The following DGKB variants were observed in gnomAD, a reference collection of about 807,000 sequenced individuals.
DGKB encodes diacylglycerol kinase beta.
A neutral mutation model predicts 114.3 loss-of-function variants in DGKB; 67 were observed. That is an observed-to-expected ratio of 0.59 (90% CI 0.48 to 0.72). The LOEUF is 0.72. Among genes scored for constraint, DGKB ranks in the 30% least tolerant of loss-of-function variants. The pLI is 0.00. For missense variants in DGKB, 907 were observed against 975.2 expected, an observed-to-expected ratio of 0.93 and a Z score of 0.93; for synonymous variants, 398 against 323.1, an observed-to-expected ratio of 1.23 and a Z score of -2.49.
At chr7:14,773,567 G>A (rs1023893830) in intron 2 of DGKB, among the ~76,000 whole-genome samples, 2 of 152,048 alleles carry the variant, frequency 1.3e-5, no homozygotes, top group African/African-American at 4.8e-5. Flanking sequence ...CCAAGCAGAT[G>A]GGACAGTCCA....
chr7:14,154,139 G>A (rs1562484156), intron 25 of DGKB, among the ~76,000 whole-genome samples: 1 of 148,932 alleles, frequency 6.7e-6, no homozygotes, highest in African/African-American at 2.5e-5. Flanking sequence ...AACAAAAGGA[G>A]TGTGGATAAT....
chr7:14,799,206 C>T (rs1014374194), intron 2 of DGKB, among the ~76,000 whole-genome samples: 11 of 152,162 alleles, frequency 7.2e-5, no homozygotes, highest in Admixed American at 4.6e-4. Flanking sequence ...GTTAATCTGA[C>T]AAAGGCCTTT....
chr7:14,154,931 C>G (rs561166534), intron 25 of DGKB, among the ~76,000 whole-genome samples: 1 of 150,776 alleles, frequency 6.6e-6, no homozygotes, highest in South Asian at 2.1e-4. Flanking sequence ...GCAGGTGATT[C>G]TCCTGCACTC....
rs2107583 is a variant in DGKB at position 14,924,005 on chromosome 7, G to A, written c.-188+50691C>T. 2.6e-3 allele frequency among the ~76,000 whole-genome samples: 279 copies of A among 107,748 alleles called. 1 individual carries two copies. The highest frequency in any genetic ancestry group is 0.021 in the East Asian group (30 of 1,438). The allele number at this position is 107,748 out of a possible 152,430, so 70.7% of individuals were successfully genotyped here. A position where few individuals can be genotyped will look rare whatever the true frequency, so the allele number is the denominator to read the frequency against. On this transcript the variant is annotated intron_variant, in intron 1 of 4. Coordinates refer to the DGKB transcript ENST00000437998. ...TCTCAAAAAAAAAAAAAAAAAAAAA[G>A]CTTTGTCCTATTCTCACAATAAAGT...
rs1794789154 is a variant in DGKB, at chr7:14,549,412, T to TA, written c.1770+24799_1770+24800insT. ...ATTACCTAGGAATAAATATTTTTTT[T>TA]TAAAAAATTGATATATATTTTCTGT... On this transcript the variant is annotated intron_variant, in intron 20 of 25. Transcript: ENST00000402815. Among the ~76,000 whole-genome samples, 4 of 152,070 alleles carry TA rather than the reference T, an allele frequency of 2.6e-5. No homozygotes were observed. In the South Asian group the frequency reaches 6.2e-4, roughly 24 times the overall value.
chr7:14,778,581 T>G (rs763884506), intron 2 of DGKB, among the ~76,000 whole-genome samples: 2 of 152,160 alleles, frequency 1.3e-5, no homozygotes, highest in South Asian at 4.1e-4. Flanking sequence ...CTTGATTTTT[T>G]AGAAGGTAAA....
At chr7:14,892,510 T>C (rs1391757962) in intron 1 of DGKB, among the ~76,000 whole-genome samples, 2 of 151,148 alleles carry the variant, frequency 1.3e-5, no homozygotes, top group East Asian at 1.9e-4. Context: ...TATTTACATA[T>C]AAATAAATGT....
At chr7:14,686,085 CTG>C (rs764651772) in intron 9 of DGKB, among the ~76,000 whole-genome samples, 6 of 152,142 alleles carry the variant, frequency 3.9e-5, no homozygotes, top group Non-Finnish European at 5.9e-5. Context: ...AATATTAAAA[CTG>C]TATTAATATT....
intron 6 of DGKB, among the ~76,000 whole-genome samples, chr7:14,704,888 T>C (rs979693777): frequency 3.9e-5 from 6 of 152,004 alleles, no homozygotes; most frequent in Admixed American, 2.0e-4. Context: ...ACAGAAAAAC[T>C]GGAAGCTCTA....
rs146064148 is a variant in DGKB, at chr7:14,635,028, T to A, written c.1135-4760A>T. Among the ~76,000 whole-genome samples, 47 of 151,700 alleles carry A rather than the reference T, an allele frequency of 3.1e-4. 1 individual carries two copies. In the East Asian group the frequency reaches 4.5e-3, roughly 14 times the overall value. On this transcript the variant is annotated intron_variant, in intron 13 of 25. Transcript: ENST00000402815. Reference sequence around the variant, plus strand: ...AAATTATTTTTCTTTTCCACAAAAATTCTGATATGTCTAATTAAGATGTAA... The same window carrying A: ...AAATTATTTTTCTTTTCCACAAAAAATCTGATATGTCTAATTAAGATGTAA...
chr7:14,389,937 G>A (rs747743801), intron 21 of DGKB, among the ~76,000 whole-genome samples: 206 of 152,270 alleles, frequency 1.4e-3, no homozygotes, highest in Non-Finnish European at 2.4e-3. Flanking sequence ...CCTTGTTAAA[G>A]TTAAAGGGTG....
rs189649143 is a variant in DGKB, at chr7:14,866,150, G to A, written c.-187-24700C>T. Among the ~76,000 whole-genome samples the A allele has an allele frequency of 4.3e-4, 66 of 152,214 alleles. No individual in the cohort carries two copies. In the Middle Eastern group the frequency reaches 0.01, roughly 24 times the overall value. On this transcript the variant is annotated intron_variant, in intron 1 of 25. Coordinates refer to ENST00000402815, the MANE Select transcript of DGKB (RefSeq NM_001350709.2). Reference sequence around the variant, plus strand: ...GATTCATAGCAAAACTAAGAGGAAGGTACGGCGATTTTTCTCATATCCCTG... The same window carrying A: ...GATTCATAGCAAAACTAAGAGGAAGATACGGCGATTTTTCTCATATCCCTG...
chr7:14,802,498 G>A (rs1161329306), intron 2 of DGKB, among the ~76,000 whole-genome samples: 1 of 152,002 alleles, frequency 6.6e-6, no homozygotes, highest in Non-Finnish European at 1.5e-5. Flanking sequence ...TTTAATTTCT[G>A]CAATGTCTCT....
intron 25 of DGKB, among the ~76,000 whole-genome samples, chr7:14,173,386 C>T (rs1402995893): frequency 6.6e-6 from 1 of 152,102 alleles, no homozygotes; most frequent in Non-Finnish European, 1.5e-5. Flanking sequence ...TTTAAGTGTG[C>T]AGTTCAATGG....
chr7:14,406,302 G>T (rs984620395), intron 21 of DGKB, among the ~76,000 whole-genome samples: 1 of 152,006 alleles, frequency 6.6e-6, no homozygotes, highest in Admixed American at 6.6e-5. Context: ...TTGAGAGCAA[G>T]TTGGCTCAGA....
intron 17 of DGKB, among the ~76,000 whole-genome samples, chr7:14,585,814 C>A (rs1266263666): frequency 6.6e-6 from 1 of 151,994 alleles, no homozygotes; most frequent in African/African-American, 2.4e-5. Flanking sequence ...ATTATTATAT[C>A]TGTTATGGTG....
intron 21 of DGKB, among the ~76,000 whole-genome samples, chr7:14,440,062 T>C (rs1829865185): frequency 6.6e-6 from 1 of 151,912 alleles, no homozygotes. Context: ...AAGAAGAAGA[T>C]AGCTCCCTGC....
At chr7:14,675,360 A>G (rs902409846) in intron 12 of DGKB, among the ~76,000 whole-genome samples, 7 of 152,152 alleles carry the variant, frequency 4.6e-5, no homozygotes, top group Admixed American at 6.6e-5. Flanking sequence ...AGCTCTCTGT[A>G]TAGTTATTTG....
intron 13 of DGKB, among the ~76,000 whole-genome samples, chr7:14,650,874 C>T (rs530057974): frequency 0.014 from 2,062 of 151,794 alleles, 15 homozygotes; most frequent in Non-Finnish European, 0.021. Flanking sequence ...AACACCTCTA[C>T]GCAAATAAAC....
Sources: allele counts gnomAD v4.1 joint callset (sites outside exome capture counted in the v4.1 genomes callset), GRCh38; gene constraint gnomAD v4.1.1; transcripts MANE v1.5; gene names NCBI Gene and HGNC (gene_info 2026-07-23, HGNC 2026-07-21).